The following LILRA1 variants were observed in gnomAD, a reference collection of about 807,000 sequenced individuals.
LILRA1 encodes leukocyte immunoglobulin like receptor A1.
LILRA1 carries 51 observed loss-of-function variants against 51.6 expected under a neutral mutation model. The observed-to-expected ratio is 0.99, with a 90% confidence interval of 0.79 to 1.25. The LOEUF (loss-of-function observed/expected upper bound fraction) is 1.25. Ranked by LOEUF, LILRA1 falls within the 50% of genes most tolerant of loss-of-function variation. The pLI is 0.00. For synonymous variants in LILRA1, 305 were observed against 248.4 expected (o/e 1.23, Z -2.14); for missense variants, 660 against 611.7 (o/e 1.08, Z -0.83).
intron 8 of LILRA1, among the ~76,000 whole-genome samples, chr19:54,600,056 G>T (rs1470766040): frequency 6.6e-6 from 1 of 152,150 alleles, no homozygotes; most frequent in Non-Finnish European, 1.5e-5. Context: ...ACTGGCTGAG[G>T]CTGTGTGAAG....
In LILRA1 at chr19:54,596,481, C is replaced by G. The variant is rs2146073658; in HGVS notation, c.1251C>G (p.Leu417=). 6.2e-7 allele frequency: 1 copy of G among 1,614,180 alleles called. No individual in the cohort carries two copies. Reference sequence around the variant, plus strand: ...CTCACCCCAGTGACTCCCTGGAGCTCATGGTCTCAGGTGAGGGCCCTGACC... The same window carrying G: ...CTCACCCCAGTGACTCCCTGGAGCTGATGGTCTCAGGTGAGGGCCCTGACC... ...LLSHPSDSLE[L]MVSGAAETLS... is the part of the protein sequence containing the mutation. Residue 417 remains leucine (L), a synonymous_variant, in exon 7 of 10, where the codon CTC becomes CTG. Transcript: ENST00000251372.
chr19:54,595,525 C>G lies in LILRA1; in HGVS notation c.662-114C>G, dbSNP rs985184270. On this transcript the variant is annotated intron_variant, in intron 5 of 9. Transcript: ENST00000251372. ...GATGTTGGGGCGAGAGGGCTCAGGG[C>G]TCCTGGGGCCGGAGACACAGGAAGA... 22 of 1,540,002 alleles carry G rather than the reference C, an allele frequency of 1.4e-5. No individual in the cohort carries two copies. In the African/African-American group the frequency reaches 2.1e-4, roughly 14 times the overall value.
chr19:54,596,142 C>A (rs761662407), intron 6 of LILRA1, 47 bp from the exon 7 acceptor site: 6 of 1,592,786 alleles, frequency 3.8e-6, no homozygotes, highest in Non-Finnish European at 4.3e-6. Flanking sequence ...GAGGCGTCAG[C>A]TCAGAACAAG....
In LILRA1 at chr19:54,596,329, C is replaced by T. The variant is rs1421904028; in HGVS notation, c.1099C>T (p.Leu367Phe). ...CAAGGCGGGAGCAGCTGATGCCCCC[C>T]TCCGTCTCAGATCAATACACGAATA... is the stretch of plus-strand genomic sequence containing the variant. ...LTKAGAADAP[L>F]RLRSIHEYPK... Residue 367 changes from leucine to phenylalanine, a missense_variant, in exon 7 of 10, where the codon CTC (leucine) becomes TTC (phenylalanine). By Grantham distance (22) the Leu-to-Phe change is conservative. Coordinates refer to ENST00000251372, the MANE Select transcript of LILRA1 (RefSeq NM_006863.4). The T allele has an allele frequency of 6.2e-7, 1 of 1,614,148 alleles. No individual in the cohort carries two copies. The highest frequency in any genetic ancestry group is 1.7e-5 in the Admixed American group (1 of 60,034).
chr19:54,600,610 G>A (rs867166230), intron 9 of LILRA1, 60 bp downstream of exon 9: 2 of 1,612,084 alleles, frequency 1.2e-6, no homozygotes, highest in Non-Finnish European at 1.7e-6. Flanking sequence ...CCTGTCAAGG[G>A]TAAGGAGGTG....
chr19:54,600,895 T>A lies in LILRA1; in HGVS notation c.*78T>A. On this transcript the variant is annotated 3_prime_UTR_variant, in exon 10 of 10. Coordinates refer to ENST00000251372, the MANE Select transcript of LILRA1 (RefSeq NM_006863.4). Reference sequence around the variant, plus strand: ...GGAGCCTTGGGAACAGATCTGATGATGCCAGGAGGTTCCGGGAGACAATTT... The same window carrying A: ...GGAGCCTTGGGAACAGATCTGATGAAGCCAGGAGGTTCCGGGAGACAATTT... 1 of 1,528,230 alleles carries A rather than the reference T, an allele frequency of 6.5e-7. No homozygotes were observed. The highest frequency in any genetic ancestry group is 9.1e-7 in the Non-Finnish European group (1 of 1,102,022). The allele number at this position is 1,528,230 out of a possible 1,614,324, so 94.7% of individuals were successfully genotyped here.
In LILRA1 at chr19:54,596,258, C is replaced by A; in HGVS notation, c.1028C>A (p.Thr343Asn). 6.2e-7 allele frequency: 1 copy of A among 1,614,096 alleles called. No individual in the cohort carries two copies. The highest frequency in any genetic ancestry group is 8.5e-7 in the Non-Finnish European group (1 of 1,180,020). ...ACGGTGGCCTCAGGAGAGAACGTGA[C>A]CCTGCTGTGTCAGTCATGGGGGCCG... ...GPTVASGENV[T>N]LLCQSWGPFH... Residue 343 changes from threonine to asparagine, a missense_variant, in exon 7 of 10, where the codon ACC (threonine) becomes AAC (asparagine). By Grantham distance (65) the Thr-to-Asn change is moderately conservative. Coordinates refer to ENST00000251372, the MANE Select transcript of LILRA1 (RefSeq NM_006863.4).
intron 7 of LILRA1, among the ~76,000 whole-genome samples, chr19:54,597,773 G>A (rs1370925840): frequency 6.6e-6 from 1 of 151,896 alleles, no homozygotes; most frequent in Non-Finnish European, 1.5e-5. Context: ...GACAAGAGAG[G>A]AGGCCTTGGT....
chr19:54,596,984 C>A (rs1440118700), intron 7 of LILRA1, among the ~76,000 whole-genome samples: 1 of 151,248 alleles, frequency 6.6e-6, no homozygotes, highest in Admixed American at 6.6e-5. Flanking sequence ...CCCTTGTAGT[C>A]TCAGTAGGGT....
In LILRA1 at chr19:54,600,490, T is replaced by TC. The variant is rs1267240591; in HGVS notation, c.1313-18dup. 1.9e-6 allele frequency: 3 copies of TC among 1,613,776 alleles called. No individual in the cohort carries two copies. The African/African-American group carries it at 4.0e-5, about 22-fold the overall frequency. ...AGGGGAGAGGCTGGCTCAGGGCTCT[T>TC]CCCCTCTGTTTTTATTCTCAGGAGC... On this transcript the variant is annotated intron_variant, in intron 8 of 9. Transcript: ENST00000251372.
At position 54,601,927 on chromosome 19, in the gene LILRA1, T is replaced by C. The variant is rs907934917; in HGVS notation, c.*1110T>C. 6 of 152,196 alleles carry C rather than the reference T, an allele frequency of 3.9e-5. No homozygotes were observed. Among genetic ancestry groups the C allele is most frequent in the African/African-American group, 1.4e-4 (6 of 41,440 alleles). 9.4% of individuals were successfully genotyped at this position (152,196 alleles called of 1,614,324 possible). A position where few individuals can be genotyped will look rare whatever the true frequency, so the allele number is the denominator to read the frequency against. The stretch of plus-strand genomic sequence containing the variant: ...GGATGTAAAACCCTGCTGCATAGGA[T>C]GGAATATTTGGAGGGAGGATCCTGA... On this transcript the variant is annotated 3_prime_UTR_variant, in exon 10 of 10. Transcript: ENST00000251372.
At chr19:54,595,980 G>A (rs768324146) in intron 6 of LILRA1, 45 bp downstream of exon 6, 2 of 1,601,572 alleles carry the variant, frequency 1.2e-6, no homozygotes, top group South Asian at 1.1e-5. Flanking sequence ...GCTCCGCACA[G>A]GCCCTGCCAG....
rs1197753153 is a variant in LILRA1, at chr19:54,594,197, C to T, written c.-48C>T. On this transcript the variant is annotated splice_region_variant and 5_prime_UTR_variant, in exon 2 of 10. Transcript: ENST00000251372. ...TCTCTGTGTGTCTCTGTCCTGCCAGCACCGAGGGCTCATCCATCCGCAGAG... is the reference window on the plus strand; with the variant it reads ...TCTCTGTGTGTCTCTGTCCTGCCAGTACCGAGGGCTCATCCATCCGCAGAG... 1 of 1,612,458 alleles carries T rather than the reference C, an allele frequency of 6.2e-7. No individual in the cohort carries two copies. Among genetic ancestry groups the T allele is most frequent in the Admixed American group, 1.7e-5 (1 of 59,782 alleles).
Position 54,599,276 on chromosome 19 carries a change from T to C in LILRA1, c.1302T>C (p.Asp434=), listed in dbSNP as rs199934510. The change falls in exon 8 of 10, where the codon GAT becomes GAC. Residue 434 remains aspartate (D), a synonymous_variant. Transcript: ENST00000251372. Reference sequence around the variant, plus strand: ...TCAGCCCACCACAAAACAAGTCCGATTCCAAGGCTGGTGAGTGAGGAGATG... The same window carrying C: ...TCAGCCCACCACAAAACAAGTCCGACTCCAAGGCTGGTGAGTGAGGAGATG... ...ETLSPPQNKS[D]SKAGAANTLS... is the part of the protein sequence containing the mutation. The C allele has an allele frequency of 1.6e-4, 252 of 1,569,876 alleles. No homozygotes were observed. The East Asian group carries it at 3.6e-3, about 23-fold the overall frequency.
At chr19:54,599,084 G>A in intron 7 of LILRA1, 152 bp from the exon 8 acceptor site, 1 of 951,750 alleles carries the variant, frequency 1.1e-6, no homozygotes, top group South Asian at 1.6e-5. Flanking sequence ...ATGAGCCACT[G>A]TGCCTGGCCT....
rs202036788 is a variant in LILRA1, at chr19:54,598,537, C to T, written c.1262-699C>T. Among the ~76,000 whole-genome samples, 3 of 152,120 alleles carry T rather than the reference C, an allele frequency of 2.0e-5. No individual in the cohort carries two copies. The East Asian group carries it at 5.8e-4, about 29-fold the overall frequency. ...TGGGCCTGGGGGGTTCATGCCCAAC[C>T]TTGTCCAATCACTGGATAATTCTAA... On this transcript the variant is annotated intron_variant, in intron 7 of 9. Coordinates refer to ENST00000251372, the MANE Select transcript of LILRA1 (RefSeq NM_006863.4).
chr19:54,595,464 G>A (rs781073399), intron 5 of LILRA1, 62 bp downstream of exon 5: 1 of 1,559,114 alleles, frequency 6.4e-7, no homozygotes, highest in South Asian at 1.2e-5. Context: ...AGGCAGGTGG[G>A]GAGCAGCCAC....
chr19:54,597,464 C>A (rs549412978), intron 7 of LILRA1, among the ~76,000 whole-genome samples: 14 of 152,050 alleles, frequency 9.2e-5, no homozygotes, highest in Non-Finnish European at 1.5e-5. Flanking sequence ...ATAACAAAAT[C>A]TCTCCAATTT....
chr19:54,600,738 G>C lies in LILRA1; in HGVS notation c.1391G>C (p.Arg464Pro). ...PQDYTVENLIRMGIAGLVLVV... is the reference protein window; with the variant it reads ...PQDYTVENLIPMGIAGLVLVV... ...GATTACACAGTGGAGAATCTCATCC[G>C]CATGGGCATAGCTGGCTTGGTCCTG... Residue 464 changes from arginine (R) to proline (P), a missense_variant, in exon 10 of 10, where the codon CGC (arginine) becomes CCC (proline). Transcript: ENST00000251372. 1 of 1,614,070 alleles carries C rather than the reference G, an allele frequency of 6.2e-7. No individual in the cohort carries two copies. The highest frequency in any genetic ancestry group is 1.1e-5 in the South Asian group (1 of 91,064).
Sources: allele counts gnomAD v4.1 joint callset (sites outside exome capture counted in the v4.1 genomes callset), GRCh38; gene constraint gnomAD v4.1.1; transcripts MANE v1.5; gene names NCBI Gene and HGNC (gene_info 2026-07-23, HGNC 2026-07-21).